Variants in C2CD2L observed in about 807,000 individuals in gnomAD.
The protein encoded by C2CD2L is phospholipid transfer protein C2CD2L.
Under a neutral mutation model 69.9 loss-of-function variants are expected in C2CD2L, and 24 were observed. The observed-to-expected ratio is 0.34, with a 90% CI of 0.25 to 0.48. C2CD2L has a LOEUF of 0.48. C2CD2L is among the 20% of genes least tolerant of loss of function. The pLI is 0.99. For synonymous variants in C2CD2L, 367 were observed against 391.0 expected (o/e 0.94, Z 0.72); for missense variants, 811 against 941.5 (o/e 0.86, Z 1.81).
intron 13 of C2CD2L, 128 bp from the exon 14 acceptor site, chr11:119,115,917 C>T (rs1345894736): frequency 8.7e-6 from 6 of 689,962 alleles, no homozygotes; most frequent in African/African-American, 1.8e-5. Flanking sequence ...CCTGAGGAAG[C>T]CTGGCTTCTG....
chr11:119,116,011 C>CCT (rs1238232600), intron 13 of C2CD2L, 34 bp from the exon 14 acceptor site: 2 of 1,599,922 alleles, frequency 1.3e-6, no homozygotes, highest in Admixed American at 1.7e-5. Flanking sequence ...ACCCCGTGCC[C>CCT]CTCTCTGCCT....
chr11:119,107,835 C>T lies in C2CD2L; in HGVS notation c.94C>T (p.Gln32Ter). ...GCTCACGGTGTTCGCCTGGCTGCTG[C>T]AATATGCCCGGGGCTTGTGGCTGGC... is the stretch of plus-strand genomic sequence containing the variant. The part of the protein sequence containing the change: ...SLLTVFAWLL[Q>*]YARGLWLARA... The change falls in exon 1 of 14, where the codon CAA becomes TAA. Residue 32 changes from glutamine to a stop codon, truncating the protein, a stop_gained. Coordinates refer to ENST00000648610, the MANE Select transcript of C2CD2L (RefSeq NM_001290474.2). LOFTEE classifies it high-confidence loss of function. This position sits in a 1 kb window ranked among gnomAD's most constrained non-coding sequence, Gnocchi z 5.4. The T allele has an allele frequency of 6.4e-7, 1 of 1,551,518 alleles. No homozygotes were observed. The highest frequency in any genetic ancestry group is 8.6e-7 in the Non-Finnish European group (1 of 1,159,558).
At chr11:119,112,118 G>A (rs1483692951) in intron 7 of C2CD2L, 7 of 567,180 alleles carry the variant, frequency 1.2e-5, no homozygotes, top group Non-Finnish European at 1.6e-5. Flanking sequence ...GGGAGGATTT[G>A]AATGCATAGC....
At position 119,112,782 on chromosome 11, in the gene C2CD2L, A is replaced by T. The variant is rs1221991049; in HGVS notation, c.1295A>T (p.Lys432Met). Residue 432 changes from lysine (K) to methionine (M), a missense_variant, in exon 10 of 14, where the codon AAG becomes ATG. By Grantham distance (95) the Lys-to-Met change is moderately conservative. Coordinates refer to ENST00000648610, the MANE Select transcript of C2CD2L (RefSeq NM_001290474.2). The stretch of plus-strand genomic sequence containing the variant: ...CGCCCCAGCATCACACCTACCAAGA[A>T]GATTGAGCTTGACCGGACCATCATG... ...TPRPSITPTK[K>M]IELDRTIMPD... The T allele has an allele frequency of 1.4e-5, 22 of 1,614,084 alleles. No individual in the cohort carries two copies. The highest frequency in any genetic ancestry group is 1.9e-5 in the Non-Finnish European group (22 of 1,179,946).
intron 1 of C2CD2L, among the ~76,000 whole-genome samples, chr11:119,108,731 G>A (rs1415758089): frequency 6.6e-6 from 1 of 152,176 alleles, no homozygotes; most frequent in Admixed American, 6.5e-5. Flanking sequence ...TGCACCATGG[G>A]CATCTGGCCT....
Position 119,116,193 on chromosome 11 carries a change from T to C in C2CD2L, c.2058T>C (p.Leu686=), listed in dbSNP as rs781359521. ...AGGCCGGCAGCTTTTCTCGCCGCCT[T>C]ATCAAGCGCTTTTCCTTCAAATCCA... is the stretch of plus-strand genomic sequence containing the variant. ...RKKAGSFSRR[L]IKRFSFKSKP... is the part of the protein sequence containing the mutation. The change falls in exon 14 of 14, where the codon CTT becomes CTC. Residue 686 remains leucine, a synonymous_variant. Coordinates refer to ENST00000648610, the MANE Select transcript of C2CD2L (RefSeq NM_001290474.2). 6.2e-7 allele frequency: 1 copy of C among 1,614,252 alleles called. No homozygotes were observed. Among genetic ancestry groups the C allele is most frequent in the Admixed American group, 1.7e-5 (1 of 60,030 alleles).
At chr11:119,103,461 C>T (rs1050193345), upstream of C2CD2L, among the ~76,000 whole-genome samples, 3 of 152,144 alleles carry the variant, frequency 2.0e-5, no homozygotes, top group South Asian at 2.1e-4. Context: ...CTTTGGTAGG[C>T]GAAGGTGGGT....
At position 119,110,550 on chromosome 11, in the gene C2CD2L, G is replaced by A. The variant is rs772668918; in HGVS notation, c.451-11G>A. ...CCTTCCCCCACATCTGACCCACCTC[G>A]CCGGTCTCAGGTGCTGCGTTGCCAG... On this transcript the variant is annotated splice_polypyrimidine_tract_variant and intron_variant, in intron 2 of 13. Coordinates refer to ENST00000648610, the MANE Select transcript of C2CD2L (RefSeq NM_001290474.2). This position sits in a 1 kb window ranked among gnomAD's most constrained non-coding sequence, Gnocchi z 5.7. 1.5e-5 allele frequency: 24 copies of A among 1,604,720 alleles called. No homozygotes were observed. The highest frequency in any genetic ancestry group is 1.2e-4 in the Admixed American group (7 of 59,598).
In C2CD2L at chr11:119,110,205, G is replaced by A; in HGVS notation, c.450+6G>A. On this transcript the variant is annotated splice_donor_region_variant and intron_variant, in intron 2 of 13. Transcript: ENST00000648610. The surrounding 1 kb of genome is among the most constrained non-coding windows in gnomAD (Gnocchi z 5.7). The stretch of plus-strand genomic sequence containing the variant: ...ACCAATCTGAGCATACCATGGTAAG[G>A]GTCTGATGGGCACTGCCCTCTTTGG... 1.3e-6 allele frequency: 2 copies of A among 1,596,554 alleles called. No individual in the cohort carries two copies. Among genetic ancestry groups the A allele is most frequent in the Non-Finnish European group, 1.7e-6 (2 of 1,164,090 alleles).
In C2CD2L at chr11:119,107,769, G is replaced by A; in HGVS notation, c.28G>A (p.Val10Met). 6.5e-7 allele frequency: 1 copy of A among 1,540,150 alleles called. No individual in the cohort carries two copies. Among genetic ancestry groups the A allele is most frequent in the Non-Finnish European group, 8.6e-7 (1 of 1,156,282 alleles). The stretch of plus-strand genomic sequence containing the variant: ...GGATCCGGGCTGGGGGCAGCGGGAC[G>A]TGGGCTGGGCGGCCTTGCTGATCCT... Reference protein sequence around the residue: MDPGWGQRDVGWAALLILFA... With the variant: MDPGWGQRDMGWAALLILFA... The change falls in exon 1 of 14, where the codon GTG becomes ATG. Residue 10 changes from valine to methionine, a missense_variant. Coordinates refer to ENST00000648610, the MANE Select transcript of C2CD2L (RefSeq NM_001290474.2). This position sits in a 1 kb window ranked among gnomAD's most constrained non-coding sequence, Gnocchi z 5.4.
In C2CD2L at chr11:119,112,556, C is replaced by G. The variant is rs780847077; in HGVS notation, c.1159C>G (p.Leu387Val). The stretch of plus-strand genomic sequence containing the variant: ...ACTGTCTCGAAGACAGTTGTGCCCA[C>G]TCACCCCAGGGCCAGGGAAAGCCCT... ...RPLSRRQLCP[L>V]TPGPGKALGP... The change falls in exon 9 of 14, where the codon CTC becomes GTC. Residue 387 changes from leucine to valine, a missense_variant. Physicochemically the swap from Leu to Val is conservative, Grantham distance 32. Coordinates refer to ENST00000648610, the MANE Select transcript of C2CD2L (RefSeq NM_001290474.2). The G allele has an allele frequency of 1.2e-6, 2 of 1,613,232 alleles. No individual in the cohort carries two copies. Among genetic ancestry groups the G allele is most frequent in the South Asian group, 2.2e-5 (2 of 91,064 alleles).
Position 119,110,814 on chromosome 11 carries a change from A to G in C2CD2L, c.571-33A>G, listed in dbSNP as rs754856782. The G allele has an allele frequency of 1.9e-6, 3 of 1,611,074 alleles. No homozygotes were observed. In the East Asian group the frequency reaches 6.7e-5, roughly 36 times the overall value. On this transcript the variant is annotated intron_variant, in intron 3 of 13. Coordinates refer to ENST00000648610, the MANE Select transcript of C2CD2L (RefSeq NM_001290474.2). The surrounding 1 kb of genome is among the most constrained non-coding windows in gnomAD (Gnocchi z 5.7). ...TTAGGAGTCCTTGGGTAAATGGGGC[A>G]AGTCAGCCCAGTCACTTTGTTCCTG...
chr11:119,112,758 G>A lies in C2CD2L; in HGVS notation c.1271G>A (p.Arg424His), dbSNP rs774952377. ...GGTACTCCCACCTCCTCCACTCCAC[G>A]CCCCAGCATCACACCTACCAAGAAG... ...NLGTPTSSTP[R>H]PSITPTKKIE... The change falls in exon 10 of 14, where the codon CGC (arginine) becomes CAC (histidine). Residue 424 changes from arginine to histidine, a missense_variant. Transcript: ENST00000648610. The A allele has an allele frequency of 1.4e-5, 23 of 1,613,874 alleles. No homozygotes were observed. Among genetic ancestry groups the A allele is most frequent in the South Asian group, 4.4e-5 (4 of 91,088 alleles).
chr11:119,113,899 G>A lies in C2CD2L; in HGVS notation c.1534G>A (p.Ala512Thr), dbSNP rs1946817013. Residue 512 changes from alanine to threonine, a missense_variant, in exon 12 of 14, where the codon GCG becomes ACG. Ala to Thr is a moderately conservative substitution (Grantham distance 58). Transcript: ENST00000648610. ...SNGLDPVAET[A>T]IRQLTEPSGR... Reference sequence around the variant, plus strand: ...CGGCTTGGACCCTGTAGCAGAGACAGCGATTCGCCAGCTGACAGAGCCCAG... The same window carrying A: ...CGGCTTGGACCCTGTAGCAGAGACAACGATTCGCCAGCTGACAGAGCCCAG... 6.2e-7 allele frequency: 1 copy of A among 1,614,202 alleles called. No homozygotes were observed. Among genetic ancestry groups the A allele is most frequent in the Non-Finnish European group, 8.5e-7 (1 of 1,180,034 alleles).
rs1186006173 is a variant in C2CD2L at position 119,112,622 on chromosome 11, C to G, written c.1212+13C>G. The G allele has an allele frequency of 6.2e-7, 1 of 1,607,824 alleles. No individual in the cohort carries two copies. Among genetic ancestry groups the G allele is most frequent in the African/African-American group, 1.3e-5 (1 of 74,728 alleles). Reference sequence around the variant, plus strand: ...CATGGCAGTGGAGGTGAGAAGCTGACCCCTGGGGTAGGTGGGAGGACACAG... The same window carrying G: ...CATGGCAGTGGAGGTGAGAAGCTGAGCCCTGGGGTAGGTGGGAGGACACAG... On this transcript the variant is annotated intron_variant, in intron 9 of 13. Transcript: ENST00000648610.
rs889549319 is a variant in C2CD2L, at chr11:119,116,498, T to G, written c.*242T>G. 1.7e-6 allele frequency: 1 copy of G among 587,930 alleles called. No homozygotes were observed. The highest frequency in any genetic ancestry group is 2.8e-5 in the East Asian group (1 of 35,616). 36.4% of individuals were successfully genotyped at this position (587,930 alleles called of 1,614,324 possible). ...GGCTGGGAGGGAGAGGAGGGCCCTGTCCGGCATGTGTGGGTATTCCCCAGA... is the reference window on the plus strand; with the variant it reads ...GGCTGGGAGGGAGAGGAGGGCCCTGGCCGGCATGTGTGGGTATTCCCCAGA... On this transcript the variant is annotated 3_prime_UTR_variant, in exon 14 of 14. Coordinates refer to ENST00000648610, the MANE Select transcript of C2CD2L (RefSeq NM_001290474.2).
chr11:119,108,691 C>T (rs965606951), intron 1 of C2CD2L, among the ~76,000 whole-genome samples: 9 of 152,198 alleles, frequency 5.9e-5, no homozygotes, highest in Non-Finnish European at 2.9e-5. Context: ...GAGGGTCAGT[C>T]ACAAACCAGT....
At chr11:119,113,272 A>C (rs189169673) in intron 10 of C2CD2L, 2 of 372,166 alleles carry the variant, frequency 5.4e-6, no homozygotes, top group South Asian at 4.3e-5. Context: ...TGGCATTTCT[A>C]CCCCACTCAG....
Position 119,107,345 on chromosome 11 carries a change from GTGT to G in C2CD2L, c.-393_-391del, listed in dbSNP as rs1360837142. ...GGCGGGTGGGGGCGGGGCGCCGGCG[GTGT>G]TGTCAGTGTCAGCTCTGCGCACGCA... On this transcript the variant is annotated 5_prime_UTR_variant, in exon 1 of 14. Coordinates refer to ENST00000648610, the MANE Select transcript of C2CD2L (RefSeq NM_001290474.2). The surrounding 1 kb of genome is among the most constrained non-coding windows in gnomAD (Gnocchi z 5.4). 1 of 159,464 alleles carries G rather than the reference GTGT, an allele frequency of 6.3e-6. No individual in the cohort carries two copies. The highest frequency in any genetic ancestry group is 1.4e-5 in the Non-Finnish European group (1 of 73,246). 9.9% of individuals were successfully genotyped at this position (159,464 alleles called of 1,614,324 possible).
Sources: gnomAD v4.1 joint callset for allele counts (sites outside exome capture counted in the v4.1 genomes callset) on GRCh38, gnomAD v4.1.1 for gene constraint, Gnocchi (gnomAD v3.1) non-coding constraint, MANE v1.5 for transcripts, NCBI Gene and HGNC (gene_info 2026-07-23, HGNC 2026-07-21) for gene names.